Variants in PRKCQ observed in about 807,000 individuals in gnomAD.
PRKCQ encodes the protein protein kinase C theta type.
In PRKCQ, 41 loss-of-function variants were observed where a neutral mutation model predicts 91.2. That is an observed-to-expected ratio of 0.45 (90% CI 0.35 to 0.58). The LOEUF (loss-of-function observed/expected upper bound fraction) is 0.58. Among genes scored for constraint, PRKCQ ranks in the 20% least tolerant of loss-of-function variants. The pLI is 0.00. For missense variants in PRKCQ, 673 were observed against 896.5 expected, an observed-to-expected ratio of 0.75 and a Z score of 3.18; for synonymous variants, 307 against 316.9, an observed-to-expected ratio of 0.97 and a Z score of 0.33.
intron 1 of PRKCQ, among the ~76,000 whole-genome samples, chr10:6,529,878 G>C (rs1172332328): frequency 2.6e-5 from 4 of 152,144 alleles, no homozygotes; most frequent in Non-Finnish European, 5.9e-5. Context: ...TGGTGGAAAA[G>C]ATGGCTACGA....
intron 15 of PRKCQ, among the ~76,000 whole-genome samples, chr10:6,450,670 T>C (rs1834617003): frequency 6.6e-6 from 1 of 152,192 alleles, no homozygotes; most frequent in Non-Finnish European, 1.5e-5. Flanking sequence ...GACCACATAG[T>C]TGGAAGTAAA....
At chr10:6,461,365 CAT>C (rs1415569630) in intron 14 of PRKCQ, among the ~76,000 whole-genome samples, 1 of 152,080 alleles carries the variant, frequency 6.6e-6, no homozygotes, top group African/African-American at 2.4e-5. Context: ...AGGCCTTACA[CAT>C]ATAAAGAAAA....
At chr10:6,504,224 AGAACAGAT>A (rs1838068559) in intron 4 of PRKCQ, among the ~76,000 whole-genome samples, 2 of 152,244 alleles carry the variant, frequency 1.3e-5, no homozygotes, top group African/African-American at 4.8e-5. Context: ...CTACACCCTT[AGAACAGAT>A]TTTTATCACC....
At chr10:6,433,873 A>T (rs1833542662) in intron 16 of PRKCQ, among the ~76,000 whole-genome samples, 1 of 151,934 alleles carries the variant, frequency 6.6e-6, no homozygotes, top group African/African-American at 2.4e-5. Context: ...TCTACTAAAA[A>T]TACAAAAATT....
At chr10:6,478,946 G>A in intron 12 of PRKCQ, 46 bp downstream of exon 12, 2 of 1,601,050 alleles carry the variant, frequency 1.2e-6, no homozygotes, top group Non-Finnish European at 1.7e-6. Flanking sequence ...GTATCATGCT[G>A]AGACAGGTTA....
intron 1 of PRKCQ, among the ~76,000 whole-genome samples, chr10:6,543,961 C>T (rs1284337626): frequency 1.3e-5 from 2 of 152,156 alleles, no homozygotes; most frequent in Non-Finnish European, 2.9e-5. Context: ...TCCAACCCCA[C>T]GACACTGAGA....
the PRKCQ span, among the ~76,000 whole-genome samples, chr10:6,403,716 C>G: frequency 6.6e-6 from 1 of 151,976 alleles, no homozygotes; most frequent in Non-Finnish European, 1.5e-5. Context: ...CAGTGTTTAT[C>G]TCTCCTATTG....
rs187165925 is a variant in PRKCQ, at chr10:6,474,219, A to C, written c.1353+4773T>G. Among the ~76,000 whole-genome samples the C allele has an allele frequency of 1.2e-4, 18 of 152,374 alleles. No homozygotes were observed. The East Asian group carries it at 2.3e-3, about 20-fold the overall frequency. ...GAGTCAAGGGCAGTGATGTGAATCCAGGAACACTAGCGTTCTGCCTCTTGG... is the reference window on the plus strand; with the variant it reads ...GAGTCAAGGGCAGTGATGTGAATCCCGGAACACTAGCGTTCTGCCTCTTGG... On this transcript the variant is annotated intron_variant, in intron 12 of 17. Transcript: ENST00000263125.
intron 15 of PRKCQ, among the ~76,000 whole-genome samples, chr10:6,446,229 C>T (rs964690624): frequency 2.0e-5 from 3 of 152,050 alleles, no homozygotes; most frequent in Non-Finnish European, 4.4e-5. Context: ...CTTAAAGTCT[C>T]CTAGTTAGTG....
intron 15 of PRKCQ, among the ~76,000 whole-genome samples, chr10:6,449,397 G>T (rs2132284828): frequency 6.6e-6 from 1 of 152,230 alleles, no homozygotes; most frequent in East Asian, 1.9e-4. Context: ...AGAATAAAAA[G>T]AAACGAACAA....
chr10:6,442,283 G>A (rs1834008830), intron 15 of PRKCQ, among the ~76,000 whole-genome samples: 1 of 152,172 alleles, frequency 6.6e-6, no homozygotes, highest in Admixed American at 6.5e-5. Context: ...TTGAGTCTGA[G>A]TAAACACTTT....
At chr10:6,492,524 C>T (rs184199512) in intron 7 of PRKCQ, among the ~76,000 whole-genome samples, 26 of 152,198 alleles carry the variant, frequency 1.7e-4, no homozygotes, top group Non-Finnish European at 3.1e-4. Context: ...AGAAACTTGC[C>T]CAGGACACGC....
At chr10:6,518,837 AAAG>A (rs1838887033) in intron 1 of PRKCQ, among the ~76,000 whole-genome samples, 2 of 152,188 alleles carry the variant, frequency 1.3e-5, no homozygotes, top group African/African-American at 4.8e-5. Context: ...AAAGAAAAGA[AAAG>A]AAAAATATAT....
chr10:6,411,006 C>CTCCAAGAT, the PRKCQ span, among the ~76,000 whole-genome samples: 1 of 146,736 alleles, frequency 6.8e-6, no homozygotes, highest in Non-Finnish European at 1.5e-5. Flanking sequence ...AAGGTCCATT[C>CTCCAAGAT]CAAGATGCCA....
intron 1 of PRKCQ, among the ~76,000 whole-genome samples, chr10:6,528,321 T>A (rs1307494646): frequency 6.6e-6 from 1 of 152,042 alleles, no homozygotes; most frequent in East Asian, 1.9e-4. Context: ...ATCTCCACCC[T>A]CCTCTTCTCA....
rs563919260 is a variant in PRKCQ, at chr10:6,450,569, C to T, written c.1647+6105G>A. ...TACCCAGGAATTGAACTCAGCTCTG[C>T]ACCAAGCAGACCTAATAGACATCTA... On this transcript the variant is annotated intron_variant, in intron 15 of 17. Coordinates refer to ENST00000263125, the MANE Select transcript of PRKCQ (RefSeq NM_006257.5). 4.6e-3 allele frequency among the ~76,000 whole-genome samples: 701 copies of T among 152,314 alleles called. 10 individuals are homozygous for T. The highest frequency in any genetic ancestry group is 0.014 in the African/African-American group (598 of 41,564).
chr10:6,561,810 T>C lies in PRKCQ; in HGVS notation c.-10+18401A>G, dbSNP rs551510804. Among the ~76,000 whole-genome samples the C allele has an allele frequency of 5.3e-5, 8 of 152,304 alleles. No homozygotes were observed. The East Asian group carries it at 1.5e-3, about 29-fold the overall frequency. On this transcript the variant is annotated intron_variant, in intron 1 of 17. Coordinates refer to ENST00000263125, the MANE Select transcript of PRKCQ (RefSeq NM_006257.5). The stretch of plus-strand genomic sequence containing the variant: ...TCGTCAGTACGTATGTGTGTGGGTG[T>C]GGGCATGTATGTTGATATGATAGAA...
rs1372088291 is a variant in PRKCQ at position 6,576,186 on chromosome 10, C to T, written c.-10+4025G>A. On this transcript the variant is annotated intron_variant, in intron 1 of 17. Coordinates refer to ENST00000263125, the MANE Select transcript of PRKCQ (RefSeq NM_006257.5). This position sits in a 1 kb window ranked among gnomAD's most constrained non-coding sequence, Gnocchi z 4.2. ...AATTAAACATAGAATTACCCTACGA[C>T]CCCACAATTCTACTGCTGGGTACAT... Among the ~76,000 whole-genome samples, 1 of 152,170 alleles carries T rather than the reference C, an allele frequency of 6.6e-6. No individual in the cohort carries two copies. The highest frequency in any genetic ancestry group is 1.5e-5 in the Non-Finnish European group (1 of 68,036).
At chr10:6,454,066 TATA>T (rs1033665747) in intron 15 of PRKCQ, among the ~76,000 whole-genome samples, 2 of 152,158 alleles carry the variant, frequency 1.3e-5, no homozygotes, top group African/African-American at 4.8e-5. Context: ...AAACTTAAAG[TATA>T]ATAATAATAA....
Sources: allele counts gnomAD v4.1 joint callset (sites outside exome capture counted in the v4.1 genomes callset), GRCh38; gene constraint gnomAD v4.1.1; non-coding constraint Gnocchi (gnomAD v3.1); transcripts MANE v1.5; gene names NCBI Gene and HGNC (gene_info 2026-07-23, HGNC 2026-07-21).